ANKRD11: variants seen among roughly 807,000 people sequenced by gnomAD.
ANKRD11 encodes ankyrin repeat domain-containing protein 11.
A neutral mutation model predicts 195.7 loss-of-function variants in ANKRD11; 17 were observed. The observed-to-expected ratio is 0.09, with a 90% CI of 0.06 to 0.13. ANKRD11 has a LOEUF of 0.13. ANKRD11 is among the 10% of genes least tolerant of loss of function. ANKRD11 has a pLI of 1.00. For synonymous variants in ANKRD11, 1,953 were observed against 1,528.1 expected, an observed-to-expected ratio of 1.28 and a Z score of -6.49; for missense variants, 3,735 against 3,566.1, an observed-to-expected ratio of 1.05 and a Z score of -1.21.
At chr16:89,368,825 AGGAG>A (rs2040066638) in intron 2 of ANKRD11, among the ~76,000 whole-genome samples, 1 of 152,172 alleles carries the variant, frequency 6.6e-6, no homozygotes, top group Non-Finnish European at 1.5e-5. Flanking sequence ...CGCTTGAGCC[AGGAG>A]GTTGACGCCA....
intron 2 of ANKRD11, among the ~76,000 whole-genome samples, chr16:89,404,546 A>G (rs540189922): frequency 6.6e-6 from 1 of 152,364 alleles, no homozygotes; most frequent in African/African-American, 2.4e-5. Context: ...AGAGAAGAGA[A>G]GGAAAAGCTG....
intron 2 of ANKRD11, among the ~76,000 whole-genome samples, chr16:89,327,866 T>C (rs978072802): frequency 1.3e-5 from 2 of 151,974 alleles, no homozygotes; most frequent in Non-Finnish European, 2.9e-5. Flanking sequence ...GCACAATCCA[T>C]AAAAGAAAAA....
chr16:89,290,943 C>T, intron 5 of ANKRD11, 70 bp downstream of exon 5: 1 of 1,610,478 alleles, frequency 6.2e-7, no homozygotes, highest in South Asian at 1.1e-5. Context: ...TTGTCCTCAG[C>T]ACAGCCATGA....
chr16:89,403,641 C>T (rs2152176176), intron 2 of ANKRD11: 1 of 152,364 alleles, frequency 6.6e-6, no homozygotes, highest in Middle Eastern at 3.4e-3. Context: ...TTTCAAAACA[C>T]TTCTTTAGGT....
chr16:89,316,879 C>G (rs1466157971), intron 3 of ANKRD11, 54 bp downstream of exon 3: 5 of 1,588,534 alleles, frequency 3.1e-6, no homozygotes, highest in African/African-American at 2.7e-5. Context: ...CCATTCCCAC[C>G]TCATCCCCAT....
chr16:89,445,113 C>T (rs1397868770), intron 1 of ANKRD11, among the ~76,000 whole-genome samples: 16 of 152,376 alleles, frequency 1.1e-4, no homozygotes, highest in East Asian at 3.9e-4. Flanking sequence ...CTGAAGTCCC[C>T]ATCTCTCCAC....
chr16:89,383,550 A>C (rs2040757924), intron 2 of ANKRD11, among the ~76,000 whole-genome samples: 2 of 152,248 alleles, frequency 1.3e-5, no homozygotes, highest in African/African-American at 4.8e-5. Context: ...AGAGCCATGA[A>C]GTTCCCATGG....
At chr16:89,335,607 G>C (rs2038311843) in intron 2 of ANKRD11, among the ~76,000 whole-genome samples, 1 of 152,104 alleles carries the variant, frequency 6.6e-6, no homozygotes, top group Admixed American at 6.5e-5. Context: ...GGAACCTTTG[G>C]TTTGCAAAGC....
At chr16:89,271,235 A>T in intron 11 of ANKRD11, 3 of 329,786 alleles carry the variant, frequency 9.1e-6, no homozygotes, top group East Asian at 6.1e-5. Flanking sequence ...CTCCTGGGAG[A>T]GACTTTTTTT....
intron 1 of ANKRD11, among the ~76,000 whole-genome samples, chr16:89,469,126 T>G (rs1055714695): frequency 5.9e-5 from 9 of 151,414 alleles, no homozygotes; most frequent in African/African-American, 1.7e-4. Context: ...GAGCCTGCAG[T>G]GAGCCACCAC....
At chr16:89,436,306 G>A (rs539769840) in intron 1 of ANKRD11, among the ~76,000 whole-genome samples, 56 of 152,022 alleles carry the variant, frequency 3.7e-4, no homozygotes, top group African/African-American at 1.3e-3. Context: ...TCCCAGCTAC[G>A]TGGGAGGCTG....
Position 89,441,595 on chromosome 16 carries a change from A to G in ANKRD11, c.-144-23227T>C, listed in dbSNP as rs562228073. On this transcript the variant is annotated intron_variant, in intron 1 of 12. Transcript: ENST00000301030. Reference sequence around the variant, plus strand: ...ATCCTGGCTAACATGGTAAAACCCCACCTCTACTAAAAATACAAAAAATTA... The same window carrying G: ...ATCCTGGCTAACATGGTAAAACCCCGCCTCTACTAAAAATACAAAAAATTA... Among the ~76,000 whole-genome samples the G allele has an allele frequency of 9.6e-3, 1,459 of 151,594 alleles. 8 individuals carry two copies. Among genetic ancestry groups the G allele is most frequent in the Middle Eastern group, 0.058 (17 of 294 alleles).
Position 89,282,815 on chromosome 16 carries a change from C to T in ANKRD11, c.3727G>A (p.Glu1243Lys). 6.2e-7 allele frequency: 1 copy of T among 1,611,398 alleles called. No homozygotes were observed. The highest frequency in any genetic ancestry group is 8.5e-7 in the Non-Finnish European group (1 of 1,180,022). The change falls in exon 9 of 13, where the codon GAA (glutamate) becomes AAA (lysine). Residue 1243 changes from glutamate (E) to lysine (K), a missense_variant. Coordinates refer to ENST00000301030, the MANE Select transcript of ANKRD11 (RefSeq NM_013275.6). ...KNKQKLPEKA[E>K]KKHAAEDKAK... ...TTGTCTTCGGCAGCGTGCTTCTTTT[C>T]AGCCTTCTCGGGGAGCTTCTGTTTA... is the stretch of plus-strand genomic sequence containing the variant.
intron 4 of ANKRD11, among the ~76,000 whole-genome samples, chr16:89,292,503 A>G (rs572439522): frequency 6.6e-6 from 1 of 152,118 alleles, no homozygotes; most frequent in Admixed American, 6.5e-5. Flanking sequence ...TCTGAGGCTG[A>G]TTTCTTAGGA....
chr16:89,401,795 C>T (rs1436408268), intron 2 of ANKRD11, among the ~76,000 whole-genome samples: 1 of 152,304 alleles, frequency 6.6e-6, no homozygotes, highest in South Asian at 2.1e-4. Flanking sequence ...GCAGGGAGAA[C>T]GCTGGGTGAA....
chr16:89,314,498 G>A (rs1342452920), intron 3 of ANKRD11, among the ~76,000 whole-genome samples: 1 of 152,078 alleles, frequency 6.6e-6, no homozygotes, highest in Non-Finnish European at 1.5e-5. Context: ...AGGACACCCT[G>A]CCTCCTGCGC....
intron 1 of ANKRD11, among the ~76,000 whole-genome samples, chr16:89,452,029 C>T (rs1363208898): frequency 6.6e-6 from 1 of 152,068 alleles, no homozygotes; most frequent in Admixed American, 6.6e-5. Flanking sequence ...GAGGCCGAGG[C>T]AGGTGGATCA....
At chr16:89,421,803 C>T (rs979133757) in intron 1 of ANKRD11, among the ~76,000 whole-genome samples, 3 of 151,764 alleles carry the variant, frequency 2.0e-5, no homozygotes, top group East Asian at 1.9e-4. Flanking sequence ...GGGTGAGACA[C>T]GAAGGGTCAG....
At chr16:89,425,895 G>A (rs1312641249) in intron 1 of ANKRD11, among the ~76,000 whole-genome samples, 1 of 152,136 alleles carries the variant, frequency 6.6e-6, no homozygotes, top group African/African-American at 2.4e-5. Context: ...AAACGAAACA[G>A]GAAACAAAAT....
Sources: allele counts gnomAD v4.1 joint callset (sites outside exome capture counted in the v4.1 genomes callset), GRCh38; gene constraint gnomAD v4.1.1; transcripts MANE v1.5; gene names NCBI Gene and HGNC (gene_info 2026-07-23, HGNC 2026-07-21).